The following PSMA8 variants were observed in gnomAD, a reference collection of about 807,000 sequenced individuals.
The protein encoded by PSMA8 is proteasome subunit alpha-type 8.
A neutral mutation model predicts 32.4 loss-of-function variants in PSMA8; 18 were observed. That is an observed-to-expected ratio of 0.56 (90% CI 0.38 to 0.82). PSMA8 has a LOEUF of 0.82. Among genes scored for constraint, PSMA8 ranks in the 40% least tolerant of loss-of-function variants. The pLI, the probability that PSMA8 is intolerant of heterozygous loss-of-function variation, is 0.00. For missense variants in PSMA8, 298 were observed against 300.7 expected (o/e 0.99, Z 0.07); for synonymous variants, 104 against 98.1 (o/e 1.06, Z -0.36).
At chr18:26,161,680 G>A (rs2144313101) in intron 4 of PSMA8, among the ~76,000 whole-genome samples, 1 of 152,312 alleles carries the variant, frequency 6.6e-6, no homozygotes, top group South Asian at 2.1e-4. Context: ...CCAGGCTGTA[G>A]TGCACTATGA....
intron 4 of PSMA8, among the ~76,000 whole-genome samples, chr18:26,163,203 A>ATG (rs200054756): frequency 0.021 from 2,321 of 112,200 alleles, 94 homozygotes; most frequent in African/African-American, 0.046. Flanking sequence ...GTGTGTGTTT[A>ATG]TGTGTGTGTG....
intron 6 of PSMA8, among the ~76,000 whole-genome samples, chr18:26,182,520 C>G (rs2055319895): frequency 6.6e-6 from 1 of 152,176 alleles, no homozygotes; most frequent in African/African-American, 2.4e-5. Context: ...AAAGAAGATT[C>G]CTTTCAAAAT....
intron 2 of PSMA8, among the ~76,000 whole-genome samples, chr18:26,147,513 A>G (rs1310836889): frequency 6.6e-6 from 1 of 152,180 alleles, no homozygotes; most frequent in East Asian, 1.9e-4. Context: ...AAAGATCTCA[A>G]TTCAACAGCC....
At chr18:26,165,569 T>G (rs553805553) in intron 4 of PSMA8, among the ~76,000 whole-genome samples, 12 of 150,958 alleles carry the variant, frequency 7.9e-5, no homozygotes, top group South Asian at 2.1e-4. Context: ...TCAAGGGAAT[T>G]TTCCCCCCCC....
chr18:26,189,695 G>A (rs903197730), intron 6 of PSMA8, among the ~76,000 whole-genome samples: 1 of 152,164 alleles, frequency 6.6e-6, no homozygotes, highest in Non-Finnish European at 1.5e-5. Flanking sequence ...CACTGTTGGT[G>A]GGAATGTAAA....
rs183249668 is a variant in PSMA8 at position 26,173,309 on chromosome 18, T to A, written c.478-5521T>A. Among the ~76,000 whole-genome samples the A allele has an allele frequency of 6.1e-3, 928 of 152,262 alleles. 3 individuals are homozygous for A. Among genetic ancestry groups the A allele is most frequent in the Non-Finnish European group, 9.7e-3 (662 of 68,020 alleles). On this transcript the variant is annotated intron_variant, in intron 4 of 6. Transcript: ENST00000415576. ...GCTTTTAACTTTTGTTCTTCCTTAT[T>A]GTTTCCTCTGCCCAGAGCTTGCATG...
intron 6 of PSMA8, among the ~76,000 whole-genome samples, chr18:26,190,281 AAAAGAGTAT>A (rs1456121071): frequency 1.3e-5 from 2 of 152,292 alleles, no homozygotes; most frequent in East Asian, 3.9e-4. Context: ...TAAGATAACT[AAAAGAGTAT>A]AATTGGATTT....
rs1426537574 is a variant in PSMA8, at chr18:26,171,275, C to T, written c.478-7555C>T. 9.9e-6 allele frequency: 15 copies of T among 1,522,442 alleles called. 1 individual carries two copies. The highest frequency in any genetic ancestry group is 2.0e-5 in the Admixed American group (1 of 50,574). 94.3% of individuals were successfully genotyped at this position (1,522,442 alleles called of 1,614,324 possible). On this transcript the variant is annotated intron_variant, in intron 4 of 6. Coordinates refer to ENST00000415576, the MANE Select transcript of PSMA8 (RefSeq NM_001025096.2). ...GGGACACAGCGACGATGCAGTTTAG[C>T]GAACCAACCATGACAGCAGCGGGAG... is the stretch of plus-strand genomic sequence containing the variant.
At chr18:26,173,559 C>CTT (rs200356088) in intron 4 of PSMA8, among the ~76,000 whole-genome samples, 12 of 143,968 alleles carry the variant, frequency 8.3e-5, no homozygotes, top group Middle Eastern at 3.6e-3. Context: ...TTTTTGTCTA[C>CTT]TTTTTTTTTT....
In PSMA8 at chr18:26,181,469, T is replaced by TG. The variant is rs564632136; in HGVS notation, c.660+2340dup. Among the ~76,000 whole-genome samples, 36 of 152,206 alleles carry TG rather than the reference T, an allele frequency of 2.4e-4. No individual in the cohort carries two copies. In the South Asian group the frequency reaches 6.2e-3, roughly 26 times the overall value. ...TAATAACCCGATAAGGGCCTCTAAG[T>TG]GTTCAAGTGAAAGGAAGAGTCTCAT... On this transcript the variant is annotated intron_variant, in intron 6 of 6. Transcript: ENST00000415576.
rs563090723 is a variant in PSMA8, at chr18:26,180,096, C to CA, written c.660+974dup. On this transcript the variant is annotated intron_variant, in intron 6 of 6. Coordinates refer to ENST00000415576, the MANE Select transcript of PSMA8 (RefSeq NM_001025096.2). ...TGAAACCCCGTCTCTACTAAAAATA[C>CA]AAAAAAAATAGCTGGGCGTGGTGGC... Among the ~76,000 whole-genome samples, 9 of 151,552 alleles carry CA rather than the reference C, an allele frequency of 5.9e-5. No homozygotes were observed. The East Asian group carries it at 9.7e-4, about 16-fold the overall frequency.
intron 4 of PSMA8, among the ~76,000 whole-genome samples, chr18:26,163,209 G>GTGTGTA (rs2055149078): frequency 9.6e-6 from 1 of 103,890 alleles, no homozygotes; most frequent in African/African-American, 5.6e-5. Flanking sequence ...GTTTATGTGT[G>GTGTGTA]TGTGTATATA....
intron 4 of PSMA8, among the ~76,000 whole-genome samples, chr18:26,164,138 A>C (rs1240091688): frequency 6.6e-6 from 1 of 152,330 alleles, no homozygotes; most frequent in African/African-American, 2.4e-5. Flanking sequence ...ATGGTGATGA[A>C]AGCATGACTG....
intron 6 of PSMA8, among the ~76,000 whole-genome samples, chr18:26,181,111 T>C (rs1358306775): frequency 6.6e-6 from 1 of 152,236 alleles, no homozygotes; most frequent in African/African-American, 2.4e-5. Context: ...TCAATTCCAT[T>C]TGTCCAACAG....
chr18:26,171,273 A>C lies in PSMA8; in HGVS notation c.478-7557A>C. ...CTGGGACACAGCGACGATGCAGTTTAGCGAACCAACCATGACAGCAGCGGG... is the reference window on the plus strand; with the variant it reads ...CTGGGACACAGCGACGATGCAGTTTCGCGAACCAACCATGACAGCAGCGGG... On this transcript the variant is annotated intron_variant, in intron 4 of 6. Coordinates refer to ENST00000415576, the MANE Select transcript of PSMA8 (RefSeq NM_001025096.2). 1.7e-5 allele frequency: 26 copies of C among 1,523,196 alleles called. 3 individuals carry two copies. The highest frequency in any genetic ancestry group is 2.2e-5 in the Non-Finnish European group (26 of 1,160,466). The allele number at this position is 1,523,196 out of a possible 1,614,324, so 94.4% of individuals were successfully genotyped here.
At chr18:26,174,719 C>A (rs1487104575) in intron 4 of PSMA8, among the ~76,000 whole-genome samples, 1 of 152,158 alleles carries the variant, frequency 6.6e-6, no homozygotes, top group African/African-American at 2.4e-5. Context: ...TACTTCTGAG[C>A]AATGTTTCTC....
intron 2 of PSMA8, among the ~76,000 whole-genome samples, chr18:26,146,991 A>G: frequency 6.6e-6 from 1 of 152,064 alleles, no homozygotes; most frequent in Non-Finnish European, 1.5e-5. Context: ...GAGCAGGAAG[A>G]AGAGAGAGAG....
At position 26,171,334 on chromosome 18, in the gene PSMA8, C is replaced by A. The variant is rs552677544; in HGVS notation, c.478-7496C>A. On this transcript the variant is annotated intron_variant, in intron 4 of 6. Coordinates refer to ENST00000415576, the MANE Select transcript of PSMA8 (RefSeq NM_001025096.2). ...AGCCCGCTCGTTACAGCAGAACGCG[C>A]GGTCAAGTTTGGCGCGAAATTGTCG... 1.3e-5 allele frequency: 20 copies of A among 1,521,848 alleles called. 5 individuals are homozygous for A. In the East Asian group the frequency reaches 4.8e-4, roughly 37 times the overall value. The allele number at this position is 1,521,848 out of a possible 1,614,324, so 94.3% of individuals were successfully genotyped here.
chr18:26,185,801 G>GT (rs1246250457), intron 6 of PSMA8, among the ~76,000 whole-genome samples: 1 of 150,702 alleles, frequency 6.6e-6, no homozygotes, highest in Non-Finnish European at 1.5e-5. Flanking sequence ...TTTCAATTTT[G>GT]TTTCTTTACA....
Sources: gnomAD v4.1 joint callset for allele counts (sites outside exome capture counted in the v4.1 genomes callset) on GRCh38, gnomAD v4.1.1 for gene constraint, MANE v1.5 for transcripts, NCBI Gene and HGNC (gene_info 2026-07-23, HGNC 2026-07-21) for gene names.